The following OLFML2B variants were observed in gnomAD, a reference collection of about 807,000 sequenced individuals.
The protein encoded by OLFML2B is olfactomedin like 2B.
In OLFML2B, 57 loss-of-function variants were observed where a neutral mutation model predicts 74.9. That is an observed-to-expected ratio of 0.76 (90% CI 0.61 to 0.95). The LOEUF is 0.95. Among genes scored for constraint, OLFML2B ranks in the 40% least tolerant of loss-of-function variants. OLFML2B has a pLI of 0.00. For synonymous variants in OLFML2B, 388 were observed against 405.8 expected, an observed-to-expected ratio of 0.96 and a Z score of 0.53; for missense variants, 986 against 970.6, an observed-to-expected ratio of 1.02 and a Z score of -0.21.
chr1:162,012,642 C>T (rs1044856807), intron 3 of OLFML2B, among the ~76,000 whole-genome samples: 1 of 152,208 alleles, frequency 6.6e-6, no homozygotes, highest in East Asian at 1.9e-4. Flanking sequence ...GAAAGAGATA[C>T]ACACACCAGA....
At chr1:162,022,230 C>G (rs997272289) in intron 1 of OLFML2B, among the ~76,000 whole-genome samples, 1 of 141,360 alleles carries the variant, frequency 7.1e-6, no homozygotes, top group Non-Finnish European at 1.5e-5. Context: ...CCTGGCTCTA[C>G]CCATGTATCT....
In OLFML2B at chr1:162,019,927, C is replaced by A; in HGVS notation, c.430G>T (p.Asp144Tyr). ...LQKLREADSQ[D>Y]LKLSTIIDML... ...CCCATACCAGGTCCTACCTTCAAGT[C>A]CTGGCTGTCTGCCTCCCGCAGCTTC... Residue 144 changes from aspartate (D) to tyrosine (Y), a missense_variant, in exon 2 of 8, where the codon GAC becomes TAC. By Grantham distance (160) the Asp-to-Tyr change is radical (BLOSUM62 -3). Transcript: ENST00000294794. 1 of 1,614,158 alleles carries A rather than the reference C, an allele frequency of 6.2e-7. No homozygotes were observed. The highest frequency in any genetic ancestry group is 1.3e-5 in the African/African-American group (1 of 75,056).
chr1:161,991,782 A>C (rs1418431484), intron 6 of OLFML2B, among the ~76,000 whole-genome samples: 1 of 152,220 alleles, frequency 6.6e-6, no homozygotes, highest in Non-Finnish European at 1.5e-5. Context: ...CAAAGGGCTT[A>C]AATTATTCAG....
At chr1:161,987,786 A>C (rs1259228277) in intron 6 of OLFML2B, among the ~76,000 whole-genome samples, 2 of 152,224 alleles carry the variant, frequency 1.3e-5, no homozygotes, top group African/African-American at 4.8e-5. Flanking sequence ...CCCCGCTTGC[A>C]TTTTCATAGT....
In OLFML2B at chr1:162,006,489, A is replaced by AG. The variant is rs777232698; in HGVS notation, c.547-17_547-16insC. 1 of 1,557,132 alleles carries AG rather than the reference A, an allele frequency of 6.4e-7. No individual in the cohort carries two copies. The highest frequency in any genetic ancestry group is 2.0e-5 in the Admixed American group (1 of 49,952). ...TAGACACTTCCTGAGAAGGAAAAAA[A>AG]AAAGATGATCCATTAAAGCACCCTG... is the stretch of plus-strand genomic sequence containing the variant. On this transcript the variant is annotated splice_polypyrimidine_tract_variant and intron_variant, in intron 3 of 7. Transcript: ENST00000294794.
rs182447331 is a variant in OLFML2B at position 162,001,263 on chromosome 1, T to C, written c.724-925A>G. On this transcript the variant is annotated intron_variant, in intron 4 of 7. Transcript: ENST00000294794. ...TTTCTCACTGATTACCCAAATTCCCTGCCCTCTTGTTCCTTACTAATGAAG... is the reference window on the plus strand; with the variant it reads ...TTTCTCACTGATTACCCAAATTCCCCGCCCTCTTGTTCCTTACTAATGAAG... 2.1e-3 allele frequency among the ~76,000 whole-genome samples: 322 copies of C among 152,362 alleles called. 2 individuals carry two copies. The highest frequency in any genetic ancestry group is 7.4e-3 in the African/African-American group (308 of 41,582).
intron 3 of OLFML2B, among the ~76,000 whole-genome samples, chr1:162,010,073 T>G (rs1308205566): frequency 6.6e-6 from 1 of 152,128 alleles, no homozygotes; most frequent in Non-Finnish European, 1.5e-5. Flanking sequence ...CAGAAGCAAG[T>G]GTACCCATGG....
intron 4 of OLFML2B, among the ~76,000 whole-genome samples, chr1:162,000,745 G>A (rs1297671239): frequency 6.6e-6 from 1 of 152,122 alleles, no homozygotes; most frequent in Non-Finnish European, 1.5e-5. Context: ...CTTAGATCTG[G>A]TGTAAGTTGT....
At position 162,022,964 on chromosome 1, in the gene OLFML2B, C is replaced by T. The variant is rs1024625422; in HGVS notation, c.174+293G>A. 2.6e-5 allele frequency among the ~76,000 whole-genome samples: 4 copies of T among 152,290 alleles called. No individual in the cohort carries two copies. In the South Asian group the frequency reaches 8.3e-4, roughly 32 times the overall value. On this transcript the variant is annotated intron_variant, in intron 1 of 7. Transcript: ENST00000294794. ...CATAGACAAGAGATACTTTTTACAA[C>T]CCTGAAACCAAAAACAACTTTGTTT...
chr1:162,023,099 T>C (rs1253832791), intron 1 of OLFML2B, among the ~76,000 whole-genome samples, 158 bp downstream of exon 1: 2 of 152,090 alleles, frequency 1.3e-5, no homozygotes. Flanking sequence ...CCTATATCCT[T>C]CCATTAAGAA....
chr1:162,019,437 G>A (rs1690635603), intron 2 of OLFML2B, among the ~76,000 whole-genome samples: 1 of 152,106 alleles, frequency 6.6e-6, no homozygotes, highest in African/African-American at 2.4e-5. Context: ...GCCTAAGTGG[G>A]GCCTGAGCTT....
rs752788523 is a variant in OLFML2B at position 161,997,959 on chromosome 1, A to G, written c.1340T>C (p.Met447Thr). The G allele has an allele frequency of 6.2e-7, 1 of 1,614,220 alleles. No individual in the cohort carries two copies. Among genetic ancestry groups the G allele is most frequent in the South Asian group, 1.1e-5 (1 of 91,078 alleles). The change falls in exon 6 of 8, where the codon ATG becomes ACG. Residue 447 changes from methionine (M) to threonine (T), a missense_variant. By Grantham distance (81) the Met-to-Thr change is moderately conservative. Coordinates refer to ENST00000294794, the MANE Select transcript of OLFML2B (RefSeq NM_015441.3). ...VSPREALMEAMHTVPVPPTTV... is the reference protein window; with the variant it reads ...VSPREALMEATHTVPVPPTTV... ...GGTGGGAGGCACTGGGACTGTGTGC[A>G]TAGCTTCCATCAATGCCTCCCTGGG...
chr1:161,984,772 G>T, intron 7 of OLFML2B, 32 bp downstream of exon 7: 2 of 1,602,744 alleles, frequency 1.2e-6, no homozygotes, highest in Non-Finnish European at 1.7e-6. Flanking sequence ...GGGAAGGGAA[G>T]GAGCAGTCTG....
intron 5 of OLFML2B, among the ~76,000 whole-genome samples, chr1:161,998,574 C>A (rs892250305): frequency 3.3e-5 from 5 of 152,074 alleles, no homozygotes; most frequent in African/African-American, 1.2e-4. Context: ...CAGCCATGCT[C>A]CCCCCAGGAC....
chr1:162,010,520 T>G (rs147183322), intron 3 of OLFML2B, among the ~76,000 whole-genome samples: 2 of 152,258 alleles, frequency 1.3e-5, no homozygotes, highest in South Asian at 2.1e-4. Context: ...TGACAAGCCA[T>G]GTAGGGCCAG....
At chr1:162,015,012 T>C (rs1374852487) in intron 3 of OLFML2B, among the ~76,000 whole-genome samples, 2 of 152,198 alleles carry the variant, frequency 1.3e-5, no homozygotes, top group African/African-American at 4.8e-5. Context: ...CTGTACTTCC[T>C]AGCACTGTGA....
At chr1:161,984,354 G>C in intron 7 of OLFML2B, 78 bp from the exon 8 acceptor site, 1 of 1,493,254 alleles carries the variant, frequency 6.7e-7, no homozygotes, top group Admixed American at 2.3e-5. Context: ...AGTGAGTGAT[G>C]ATCAACGAGG....
chr1:162,020,456 A>T (rs753108201), intron 1 of OLFML2B, among the ~76,000 whole-genome samples: 15 of 152,078 alleles, frequency 9.9e-5, no homozygotes, highest in Admixed American at 2.0e-4. Flanking sequence ...AAACCAGATG[A>T]GCCAAGTCAT....
At chr1:162,013,493 G>A (rs1690449877) in intron 3 of OLFML2B, among the ~76,000 whole-genome samples, 1 of 152,200 alleles carries the variant, frequency 6.6e-6, no homozygotes, top group African/African-American at 2.4e-5. Context: ...CCAAGTGTTG[G>A]TGAGGATGTG....
Sources: allele counts gnomAD v4.1 joint callset (sites outside exome capture counted in the v4.1 genomes callset), GRCh38; gene constraint gnomAD v4.1.1; transcripts MANE v1.5; gene names NCBI Gene and HGNC (gene_info 2026-07-23, HGNC 2026-07-21).